ARHGAP6: variants seen among roughly 807,000 people sequenced by gnomAD.
ARHGAP6 encodes the protein rho GTPase-activating protein 6.
In ARHGAP6, 16 loss-of-function variants were observed where a neutral mutation model predicts 55.7. That is an observed-to-expected ratio of 0.29 (90% CI 0.19 to 0.44). The LOEUF is 0.44. Ranked by LOEUF, ARHGAP6 falls within the 20% of genes least tolerant of loss-of-function variation. ARHGAP6 has a pLI of 1.00. For synonymous variants in ARHGAP6, 382 were observed against 360.9 expected (o/e 1.06, Z -0.66); for missense variants, 698 against 808.9 (o/e 0.86, Z 1.66).
chrX:11,555,333 G>A (rs375043501), intron 1 of ARHGAP6, among the ~76,000 whole-genome samples: 1 of 111,557 alleles, frequency 9.0e-6, no homozygotes, highest in African/African-American at 3.3e-5. Flanking sequence ...TGCTTAATAC[G>A]TAAATATTGC....
intron 1 of ARHGAP6, among the ~76,000 whole-genome samples, chrX:11,278,579 T>G (rs1277313664): frequency 6.3e-5 from 7 of 111,977 alleles, no homozygotes; most frequent in Admixed American, 2.8e-4. Flanking sequence ...TGGCACTAAA[T>G]TTATGGTAAT....
At chrX:11,590,219 T>C (rs1303631204) in intron 1 of ARHGAP6, among the ~76,000 whole-genome samples, 1 of 111,928 alleles carries the variant, frequency 8.9e-6, no homozygotes, top group Non-Finnish European at 1.9e-5. Context: ...ATCATAACTC[T>C]ACAAAGGTAG....
At chrX:11,333,654 C>A (rs1317039162) in intron 1 of ARHGAP6, among the ~76,000 whole-genome samples, 1 of 112,277 alleles carries the variant, frequency 8.9e-6, no homozygotes, top group African/African-American at 3.2e-5. Flanking sequence ...ATAGCCTTTT[C>A]TTTTTCTTAA....
In ARHGAP6 at chrX:11,464,792, T is replaced by C. The variant is rs776634573; in HGVS notation, c.588+199449A>G. 8.9e-5 allele frequency among the ~76,000 whole-genome samples: 10 copies of C among 112,327 alleles called. No homozygotes were observed. The South Asian group carries it at 3.7e-3, about 42-fold the overall frequency. ...TATGAAAAATTTGTCTTCCATTTCTTCTACCAAGTTAAATACCTGGCCCTA... is the reference window on the plus strand; with the variant it reads ...TATGAAAAATTTGTCTTCCATTTCTCCTACCAAGTTAAATACCTGGCCCTA... On this transcript the variant is annotated intron_variant, in intron 1 of 12. Transcript: ENST00000337414.
chrX:11,358,889 G>A (rs1031935285), intron 1 of ARHGAP6, among the ~76,000 whole-genome samples: 1 of 111,693 alleles, frequency 9.0e-6, no homozygotes, highest in Non-Finnish European at 1.9e-5. Flanking sequence ...TAGAAAAATT[G>A]GTTTGGTATA....
At chrX:11,401,208 G>A (rs771760267) in intron 1 of ARHGAP6, among the ~76,000 whole-genome samples, 10 of 111,111 alleles carry the variant, frequency 9.0e-5, no homozygotes, top group Admixed American at 9.6e-5. Flanking sequence ...AGCTAATCCA[G>A]CCTCCCGCCC....
chrX:11,628,984 C>CAT (rs1491159379), intron 1 of ARHGAP6, among the ~76,000 whole-genome samples: 1 of 101,455 alleles, frequency 9.9e-6, no homozygotes, highest in Non-Finnish European at 2.0e-5. Context: ...GCTTCAGATA[C>CAT]GTGTGTGTGT....
intron 4 of ARHGAP6, 49 bp from the exon 5 acceptor site, chrX:11,186,480 C>T: frequency 2.0e-6 from 2 of 1,008,978 alleles, no homozygotes; most frequent in South Asian, 2.2e-5. Flanking sequence ...AGCCAAAAAA[C>T]CCAGCTGCCC....
chrX:11,217,324 T>G (rs1428298521), intron 2 of ARHGAP6, among the ~76,000 whole-genome samples: 1 of 111,971 alleles, frequency 8.9e-6, no homozygotes, highest in Non-Finnish European at 1.9e-5. Context: ...AATTTACACT[T>G]CCACCAACAG....
In ARHGAP6 at chrX:11,417,059, CATATATATATATATATATAT is replaced by C. The variant is rs768174897; in HGVS notation, c.589-162372_589-162353del. Among the ~76,000 whole-genome samples the C allele has an allele frequency of 3.8e-3, 126 of 33,363 alleles. 3 individuals carry two copies. The highest frequency in any genetic ancestry group is 0.031 in the South Asian group (22 of 708). 29.0% of individuals were successfully genotyped at this position (33,363 alleles called of 115,157 possible). On this transcript the variant is annotated intron_variant, in intron 1 of 12. Coordinates refer to ENST00000337414, the MANE Select transcript of ARHGAP6 (RefSeq NM_013427.3). ...AGGATGTTCTTTATATGGGTGTGTA[CATATATATATATATATATAT>C]ATATATATATATATATATATATATA...
chrX:11,372,771 C>CAAAAAAAAAAAAAAAAAAAA (rs1171647934), intron 1 of ARHGAP6, among the ~76,000 whole-genome samples: 1 of 14,357 alleles, frequency 7.0e-5, no homozygotes, highest in Non-Finnish European at 1.2e-4. Flanking sequence ...GACTCCATCT[C>CAAAAAAAAAAAAAAAAAAAA]AAAAAAAAAA....
intron 1 of ARHGAP6, among the ~76,000 whole-genome samples, chrX:11,539,811 G>A (rs2051139333): frequency 8.9e-6 from 1 of 111,983 alleles, no homozygotes; most frequent in African/African-American, 3.2e-5. Context: ...CAGCCATTAA[G>A]CCTTTAGTTA....
intron 1 of ARHGAP6, among the ~76,000 whole-genome samples, chrX:11,458,299 A>G (rs1403712598): frequency 8.9e-6 from 1 of 112,474 alleles, no homozygotes; most frequent in Admixed American, 9.4e-5. Context: ...TCATCCTTCA[A>G]AAATATGCCT....
At chrX:11,539,870 C>A (rs1006224058) in intron 1 of ARHGAP6, among the ~76,000 whole-genome samples, 2 of 111,578 alleles carry the variant, frequency 1.8e-5, no homozygotes, top group Non-Finnish European at 3.8e-5. Context: ...AATCAATAAG[C>A]TTAATGGAGA....
intron 1 of ARHGAP6, among the ~76,000 whole-genome samples, chrX:11,577,332 G>A (rs184379563): frequency 2.2e-3 from 250 of 112,052 alleles, no homozygotes; most frequent in Non-Finnish European, 3.3e-3. Flanking sequence ...AGTTATCATC[G>A]AAGGAAACTG....
intron 1 of ARHGAP6, among the ~76,000 whole-genome samples, chrX:11,610,765 A>G (rs899332491): frequency 1.8e-5 from 2 of 111,926 alleles, no homozygotes; most frequent in African/African-American, 3.3e-5. Flanking sequence ...TAATTTTAGA[A>G]TATTTCATCG....
intron 2 of ARHGAP6, among the ~76,000 whole-genome samples, chrX:11,246,272 T>C (rs1322524599): frequency 1.8e-5 from 2 of 111,337 alleles, no homozygotes; most frequent in African/African-American, 6.5e-5. Flanking sequence ...GGAAGTGATT[T>C]AAGCTCATTA....
At chrX:11,604,934 G>A (rs1043306400) in intron 1 of ARHGAP6, among the ~76,000 whole-genome samples, 1 of 111,705 alleles carries the variant, frequency 9.0e-6, no homozygotes, top group African/African-American at 3.3e-5. Flanking sequence ...CCAGTTCCCT[G>A]GGGCCAAGGA....
chrX:11,201,987 ATC>A (rs1555969199), intron 2 of ARHGAP6, among the ~76,000 whole-genome samples: 1 of 28,793 alleles, frequency 3.5e-5, no homozygotes, highest in Non-Finnish European at 6.5e-5. Context: ...GAGCATCTGG[ATC>A]TGTGTGTGTG....
Sources: allele counts gnomAD v4.1 joint callset (sites outside exome capture counted in the v4.1 genomes callset), GRCh38; gene constraint gnomAD v4.1.1; transcripts MANE v1.5; gene names NCBI Gene and HGNC (gene_info 2026-07-23, HGNC 2026-07-21).